Variants in ADAMTSL1 observed in about 807,000 individuals in gnomAD.
The protein encoded by ADAMTSL1 is ADAMTS-like protein 1.
Under a neutral mutation model 201.8 loss-of-function variants are expected in ADAMTSL1, and 126 were observed. The observed-to-expected ratio is 0.62, with a 90% CI of 0.54 to 0.72. ADAMTSL1 has a LOEUF of 0.72. ADAMTSL1 is among the 30% of genes least tolerant of loss of function. The pLI, the probability that ADAMTSL1 is intolerant of heterozygous loss-of-function variation, is 0.00. For synonymous variants in ADAMTSL1, 1,121 were observed against 903.4 expected, an observed-to-expected ratio of 1.24 and a Z score of -4.32; for missense variants, 2,679 against 2,277.8, an observed-to-expected ratio of 1.18 and a Z score of -3.59.
chr9:18,155,235 A>G (rs1243025600), intron 1 of ADAMTSL1, among the ~76,000 whole-genome samples: 3 of 152,100 alleles, frequency 2.0e-5, no homozygotes, highest in Non-Finnish European at 4.4e-5. Context: ...ATTGCCCAGG[A>G]AATGATTTAA....
chr9:18,140,105 G>T (rs1826334168), intron 1 of ADAMTSL1, among the ~76,000 whole-genome samples: 1 of 152,028 alleles, frequency 6.6e-6, no homozygotes, highest in Non-Finnish European at 1.5e-5. Flanking sequence ...CACTGCACTG[G>T]GGATGCAAAG....
chr9:18,591,464 C>T (rs1404476500), intron 4 of ADAMTSL1, among the ~76,000 whole-genome samples: 1 of 152,034 alleles, frequency 6.6e-6, no homozygotes, highest in Non-Finnish European at 1.5e-5. Context: ...ATTATTTATT[C>T]CATTCAGCCA....
intron 2 of ADAMTSL1, among the ~76,000 whole-genome samples, chr9:18,353,775 G>C (rs1013808599): frequency 1.3e-5 from 2 of 152,092 alleles, no homozygotes; most frequent in Admixed American, 1.3e-4. Context: ...TCTTTGTGTG[G>C]ATGGGTGGGT....
At chr9:18,683,230 G>GTTTTTTTTTTTTT (rs60751848) in intron 12 of ADAMTSL1, among the ~76,000 whole-genome samples, 1 of 143,642 alleles carries the variant, frequency 7.0e-6, no homozygotes, top group African/African-American at 2.6e-5. Context: ...GGTTTTTTTT[G>GTTTTTTTTTTTTT]TTTTTTTTTT....
At chr9:18,529,090 G>A (rs1312272383) in intron 2 of ADAMTSL1, among the ~76,000 whole-genome samples, 4 of 152,172 alleles carry the variant, frequency 2.6e-5, no homozygotes, top group Non-Finnish European at 4.4e-5. Flanking sequence ...AATCCTTGTG[G>A]TGGAATAGTC....
chr9:18,039,099 C>A (rs912943283), intron 1 of ADAMTSL1, among the ~76,000 whole-genome samples: 16 of 152,100 alleles, frequency 1.1e-4, no homozygotes, highest in African/African-American at 3.6e-4. Flanking sequence ...AAAACTAACA[C>A]CAGCTGAGAA....
At chr9:18,377,358 ATTCTTTCTG>A (rs1372279540) in intron 2 of ADAMTSL1, among the ~76,000 whole-genome samples, 10 of 152,234 alleles carry the variant, frequency 6.6e-5, no homozygotes, top group Non-Finnish European at 1.2e-4. Context: ...TGTTTAAAGC[ATTCTTTCTG>A]ATAGTAGAAT....
intron 4 of ADAMTSL1, among the ~76,000 whole-genome samples, chr9:18,594,186 C>T (rs945642176): frequency 1.3e-5 from 2 of 151,944 alleles, no homozygotes; most frequent in Non-Finnish European, 2.9e-5. Flanking sequence ...AGCGTATTTT[C>T]CCACTCCTTC....
intron 12 of ADAMTSL1, among the ~76,000 whole-genome samples, chr9:18,684,104 G>A (rs1830681363): frequency 6.6e-6 from 1 of 152,058 alleles, no homozygotes; most frequent in Non-Finnish European, 1.5e-5. Flanking sequence ...GTTTTGAATT[G>A]TTTGGCCAAA....
chr9:18,034,929 A>T (rs1821127173), intron 1 of ADAMTSL1, among the ~76,000 whole-genome samples: 1 of 152,064 alleles, frequency 6.6e-6, no homozygotes, highest in Non-Finnish European at 1.5e-5. Flanking sequence ...TGGTAATCAG[A>T]TTGTTCTAGT....
intron 2 of ADAMTSL1, among the ~76,000 whole-genome samples, chr9:18,455,843 G>A (rs1820581534): frequency 6.6e-6 from 1 of 150,556 alleles, no homozygotes; most frequent in Non-Finnish European, 1.5e-5. Flanking sequence ...CATCTATGTG[G>A]AAGGGGTTCA....
intron 17 of ADAMTSL1, among the ~76,000 whole-genome samples, chr9:18,771,385 T>C: frequency 6.6e-6 from 1 of 152,244 alleles, no homozygotes; most frequent in Non-Finnish European, 1.5e-5. Context: ...CGACTTTATC[T>C]GCTAAGTTAG....
At chr9:17,977,164 G>C (rs1048361246) in intron 1 of ADAMTSL1, among the ~76,000 whole-genome samples, 5 of 152,010 alleles carry the variant, frequency 3.3e-5, no homozygotes, top group Admixed American at 6.6e-5. Context: ...TTGTATCCCA[G>C]AGATGAATCT....
chr9:18,323,734 C>G (rs1021543088), intron 2 of ADAMTSL1, among the ~76,000 whole-genome samples: 4 of 152,018 alleles, frequency 2.6e-5, no homozygotes, highest in African/African-American at 9.7e-5. Flanking sequence ...TTTTCAATAG[C>G]TTTAAACATA....
intron 2 of ADAMTSL1, among the ~76,000 whole-genome samples, chr9:18,180,231 C>T (rs1262518387): frequency 6.6e-6 from 1 of 152,260 alleles, no homozygotes; most frequent in African/African-American, 2.4e-5. Context: ...CAATCCTAGT[C>T]TCCGATAAAA....
At chr9:18,664,164 A>G (rs1175930365) in intron 9 of ADAMTSL1, among the ~76,000 whole-genome samples, 5 of 152,114 alleles carry the variant, frequency 3.3e-5, no homozygotes, top group Non-Finnish European at 7.4e-5. Flanking sequence ...TCTAAGGGAC[A>G]GCTGCTTCCG....
intron 1 of ADAMTSL1, among the ~76,000 whole-genome samples, chr9:18,019,538 C>G (rs1209535716): frequency 6.6e-6 from 1 of 152,102 alleles, no homozygotes; most frequent in Admixed American, 6.6e-5. Context: ...CTCACACATT[C>G]TCTCAGTAGG....
rs1341265488 is a variant in ADAMTSL1, at chr9:18,817,666, T to C, written c.3934+429T>C. Among the ~76,000 whole-genome samples the C allele has an allele frequency of 3.3e-5, 5 of 152,084 alleles. 1 individual carries two copies. The highest frequency in any genetic ancestry group is 4.2e-4 in the South Asian group (2 of 4,808). ...GGTGGGAAGTGACATTAAAGAGCCA[T>C]GCTTCCAAAAGACAAAGCCACCAGC... On this transcript the variant is annotated intron_variant, in intron 21 of 28. Transcript: ENST00000380548.
At chr9:18,745,990 G>C (rs1819118382) in intron 15 of ADAMTSL1, among the ~76,000 whole-genome samples, 1 of 152,182 alleles carries the variant, frequency 6.6e-6, no homozygotes, top group Non-Finnish European at 1.5e-5. Flanking sequence ...AAGAGGAAAG[G>C]AAGGAAGAAG....
Sources: gnomAD v4.1 joint callset for allele counts (sites outside exome capture counted in the v4.1 genomes callset) on GRCh38, gnomAD v4.1.1 for gene constraint, MANE v1.5 for transcripts, NCBI Gene and HGNC (gene_info 2026-07-23, HGNC 2026-07-21) for gene names.